The following SEZ6L2 variants were observed in gnomAD, a reference collection of about 807,000 sequenced individuals.
SEZ6L2 encodes the protein seizure 6-like protein 2.
In SEZ6L2, 44 loss-of-function variants were observed where a neutral mutation model predicts 97.0. The observed-to-expected ratio is 0.45, with a 90% CI of 0.36 to 0.58. SEZ6L2 has a LOEUF of 0.58. SEZ6L2 is among the 20% of genes least tolerant of loss of function. The pLI, the probability that SEZ6L2 is intolerant of heterozygous loss-of-function variation, is 0.00. For missense variants in SEZ6L2, 1,086 were observed against 1,233.3 expected (o/e 0.88, Z 1.79); for synonymous variants, 543 against 546.1 (o/e 0.99, Z 0.08).
Position 29,885,676 on chromosome 16 carries a change from G to C in SEZ6L2, c.1282C>G (p.Arg428Gly). The change falls in exon 8 of 18, where the codon CGG becomes GGG. Residue 428 changes from arginine (R) to glycine (G), a missense_variant. Physicochemically the swap from Arg to Gly is moderately radical, Grantham distance 125. Transcript: ENST00000617533. ...GACTGGGCGTCACTGATGAGACCCCGCTCGGGGACATCGTCCATGTCCGAA... is the reference window on the plus strand; with the variant it reads ...GACTGGGCGTCACTGATGAGACCCCCCTCGGGGACATCGTCCATGTCCGAA... ...YDSDMDDVPE[R>G]GLISDAQSLY... 6.2e-7 allele frequency: 1 copy of C among 1,613,986 alleles called. No individual in the cohort carries two copies. Among genetic ancestry groups the C allele is most frequent in the South Asian group, 1.1e-5 (1 of 91,056 alleles).
intron 9 of SEZ6L2, among the ~76,000 whole-genome samples, chr16:29,878,961 G>A (rs1442581096): frequency 6.6e-6 from 1 of 151,736 alleles, no homozygotes; most frequent in African/African-American, 2.4e-5. Flanking sequence ...GGAGTGCAGT[G>A]GCGCAATCCC....
At position 29,871,265 on chromosome 16, in the gene SEZ6L2, C is replaced by G. The variant is rs867211441; in HGVS notation, c.*434G>C. 6 of 229,868 alleles carry G rather than the reference C, an allele frequency of 2.6e-5. No individual in the cohort carries two copies. Among genetic ancestry groups the G allele is most frequent in the African/African-American group, 1.1e-4 (5 of 45,772 alleles). 14.2% of individuals were successfully genotyped at this position (229,868 alleles called of 1,614,324 possible). A position where few individuals can be genotyped will look rare whatever the true frequency, so the allele number is the denominator to read the frequency against. The stretch of plus-strand genomic sequence containing the variant: ...GCAGGAAGGGGGCAAGGCCTTGTCC[C>G]AGCTCTCCCCTTTGTCCTTCTTCTG... On this transcript the variant is annotated 3_prime_UTR_variant, in exon 18 of 18. Transcript: ENST00000617533.
intron 8 of SEZ6L2, among the ~76,000 whole-genome samples, chr16:29,882,568 A>T (rs1169327700): frequency 6.8e-6 from 1 of 146,792 alleles, no homozygotes; most frequent in African/African-American, 2.5e-5. Context: ...CAAGAGCGAA[A>T]CTCCATCTCA....
chr16:29,888,657 G>A lies in SEZ6L2; in HGVS notation c.922C>T (p.Pro308Ser). 3 of 1,614,030 alleles carry A rather than the reference G, an allele frequency of 1.9e-6. No individual in the cohort carries two copies. The highest frequency in any genetic ancestry group is 2.2e-5 in the South Asian group (2 of 91,078). Residue 308 changes from proline (P) to serine (S), a missense_variant, in exon 6 of 18, where the codon CCT (proline) becomes TCT (serine). By Grantham distance (74) the Pro-to-Ser change is moderately conservative. Transcript: ENST00000617533. ...HGDVSVTDLH[P>S]GGTATFHCDS... is the part of the protein sequence containing the mutation. Reference sequence around the variant, plus strand: ...CAGTGAAAGGTGGCAGTGCCCCCAGGGTGCAGGTCCGTCACACTCACGTCC... The same window carrying A: ...CAGTGAAAGGTGGCAGTGCCCCCAGAGTGCAGGTCCGTCACACTCACGTCC...
Position 29,897,843 on chromosome 16 carries a change from G to A in SEZ6L2, c.211+10C>T, listed in dbSNP as rs1427998113. 1.9e-6 allele frequency: 3 copies of A among 1,596,056 alleles called. No homozygotes were observed. Among genetic ancestry groups the A allele is most frequent in the Non-Finnish European group, 2.6e-6 (3 of 1,174,562 alleles). Reference sequence around the variant, plus strand: ...CCTCTAGGCCACTCCTGCCACTCTGGGGGCCTCACCTGGCAGGTAGCCCAT... The same window carrying A: ...CCTCTAGGCCACTCCTGCCACTCTGAGGGCCTCACCTGGCAGGTAGCCCAT... On this transcript the variant is annotated intron_variant, in intron 2 of 17. Coordinates refer to ENST00000617533, the MANE Select transcript of SEZ6L2 (RefSeq NM_001243332.2).
intron 8 of SEZ6L2, among the ~76,000 whole-genome samples, chr16:29,880,329 T>A (rs917244912): frequency 1.0e-4 from 12 of 118,688 alleles, no homozygotes; most frequent in African/African-American, 5.9e-4. Context: ...TGCCCAGCTA[T>A]TTTTTTTTTT....
intron 3 of SEZ6L2, 150 bp downstream of exon 3, chr16:29,896,672 A>G (rs1336792523): frequency 1.5e-6 from 1 of 674,490 alleles, no homozygotes; most frequent in Non-Finnish European, 2.6e-6. Context: ...CCTGGTACAT[A>G]GTAAGGGTAC....
At position 29,899,100 on chromosome 16, in the gene SEZ6L2, C is replaced by T. The variant is rs968547964; in HGVS notation, c.-81G>A. 3.4e-6 allele frequency: 3 copies of T among 895,210 alleles called. No individual in the cohort carries two copies. The highest frequency in any genetic ancestry group is 5.1e-6 in the Non-Finnish European group (3 of 590,954). 55.5% of individuals were successfully genotyped at this position (895,210 alleles called of 1,614,324 possible). Reference sequence around the variant, plus strand: ...CTTTCCTCCGTCTCCGTTTATCTTTCCCTTTAATTGTTTTTTTTTTTTTTT... The same window carrying T: ...CTTTCCTCCGTCTCCGTTTATCTTTTCCTTTAATTGTTTTTTTTTTTTTTT... On this transcript the variant is annotated 5_prime_UTR_variant, in exon 1 of 18. Coordinates refer to ENST00000617533, the MANE Select transcript of SEZ6L2 (RefSeq NM_001243332.2).
chr16:29,898,819 C>G, intron 1 of SEZ6L2, 122 bp downstream of exon 1: 1 of 739,028 alleles, frequency 1.4e-6, no homozygotes, highest in Non-Finnish European at 2.2e-6. Flanking sequence ...GCCCCTTCCC[C>G]ATCAGCTGTG....
In SEZ6L2 at chr16:29,873,817, T is replaced by C. The variant is rs767175620; in HGVS notation, c.2105-88A>G. Reference sequence around the variant, plus strand: ...AGAGAGACCCCATCTCTACAAAAAATTGAAAAATTAGCCAGGAGTGGTGGC... The same window carrying C: ...AGAGAGACCCCATCTCTACAAAAAACTGAAAAATTAGCCAGGAGTGGTGGC... On this transcript the variant is annotated intron_variant, in intron 12 of 17. Coordinates refer to ENST00000617533, the MANE Select transcript of SEZ6L2 (RefSeq NM_001243332.2). This position sits in a 1 kb window ranked among gnomAD's most constrained non-coding sequence, Gnocchi z 4.3. The C allele has an allele frequency of 9.4e-5, 121 of 1,283,962 alleles. No homozygotes were observed. Among genetic ancestry groups the C allele is most frequent in the Non-Finnish European group, 1.3e-4 (120 of 951,638 alleles). 79.5% of individuals were successfully genotyped at this position (1,283,962 alleles called of 1,614,324 possible). A position where few individuals can be genotyped will look rare whatever the true frequency, so the allele number is the denominator to read the frequency against.
At chr16:29,890,594 T>C (rs1441855184) in intron 5 of SEZ6L2, among the ~76,000 whole-genome samples, 1 of 152,094 alleles carries the variant, frequency 6.6e-6, no homozygotes, top group Non-Finnish European at 1.5e-5. Flanking sequence ...CTCCCCCTAC[T>C]TTCTCATCTT....
intron 3 of SEZ6L2, 43 bp downstream of exon 3, chr16:29,896,779 C>A (rs753217257): frequency 6.3e-7 from 1 of 1,578,648 alleles, no homozygotes; most frequent in South Asian, 1.1e-5. Flanking sequence ...CCAGCGTGTA[C>A]CTCTCCGGTC....
In SEZ6L2 at chr16:29,896,864, T is replaced by C. The variant is rs758069101; in HGVS notation, c.469A>G (p.Ile157Val). The C allele has an allele frequency of 5.0e-6, 8 of 1,612,900 alleles. No homozygotes were observed. The highest frequency in any genetic ancestry group is 4.0e-5 in the African/African-American group (3 of 74,594). ...GTGGTAACAGTTGTCGTGGTGATGA[T>C]GGTGGTCGTCGTCTCCTCCTCTCCT... ...EGGEEETTTT[I>V]ITTTTVTTTV... Residue 157 changes from isoleucine (I) to valine (V), a missense_variant, in exon 3 of 18, where the codon ATC becomes GTC. Ile to Val is a conservative substitution (Grantham distance 29). Coordinates refer to ENST00000617533, the MANE Select transcript of SEZ6L2 (RefSeq NM_001243332.2).
chr16:29,879,852 A>G lies in SEZ6L2; in HGVS notation c.1573+12T>C. On this transcript the variant is annotated intron_variant, in intron 9 of 17. Transcript: ENST00000617533. ...TGGACTGAAGGACATGCCTGCGACA[A>G]GGAAGGCTCACCTTTGCAGGCCGGC... is the stretch of plus-strand genomic sequence containing the variant. 1 of 1,580,086 alleles carries G rather than the reference A, an allele frequency of 6.3e-7. No homozygotes were observed. The highest frequency in any genetic ancestry group is 8.6e-7 in the Non-Finnish European group (1 of 1,159,168).
Position 29,872,581 on chromosome 16 carries a change from C to G in SEZ6L2, c.2528-55G>C, listed in dbSNP as rs546281547. On this transcript the variant is annotated intron_variant, in intron 15 of 17. Transcript: ENST00000617533. ...TGGCTGGGCCCGGTCCTGGGCTCTCCCAGCCTCCTGCCCTGGGCCTCAAAC... is the reference window on the plus strand; with the variant it reads ...TGGCTGGGCCCGGTCCTGGGCTCTCGCAGCCTCCTGCCCTGGGCCTCAAAC... 13 of 1,602,998 alleles carry G rather than the reference C, an allele frequency of 8.1e-6. No homozygotes were observed. In the South Asian group the frequency reaches 9.9e-5, roughly 12 times the overall value.
intron 8 of SEZ6L2, among the ~76,000 whole-genome samples, chr16:29,880,766 T>C (rs1168388918): frequency 6.6e-6 from 1 of 151,430 alleles, no homozygotes; most frequent in Non-Finnish European, 1.5e-5. Flanking sequence ...CTGGGTTTTT[T>C]TTTAATTTTT....
At chr16:29,885,035 G>A (rs1490311460) in intron 8 of SEZ6L2, among the ~76,000 whole-genome samples, 1 of 149,798 alleles carries the variant, frequency 6.7e-6, no homozygotes, top group African/African-American at 2.5e-5. Flanking sequence ...GTGAAACCCC[G>A]TCTCTACTAA....
intron 8 of SEZ6L2, among the ~76,000 whole-genome samples, chr16:29,883,384 G>A (rs2068067928): frequency 6.6e-6 from 1 of 151,954 alleles, no homozygotes; most frequent in Non-Finnish European, 1.5e-5. Context: ...ATAGCTCACT[G>A]CAACCTCTGG....
intron 8 of SEZ6L2, among the ~76,000 whole-genome samples, chr16:29,881,291 A>C (rs2068024979): frequency 6.6e-6 from 1 of 152,164 alleles, no homozygotes; most frequent in African/African-American, 2.4e-5. Context: ...CAATGGCAAA[A>C]GCAGGTCTCA....
Sources: allele counts gnomAD v4.1 joint callset (sites outside exome capture counted in the v4.1 genomes callset), GRCh38; gene constraint gnomAD v4.1.1; non-coding constraint Gnocchi (gnomAD v3.1); transcripts MANE v1.5; gene names NCBI Gene and HGNC (gene_info 2026-07-23, HGNC 2026-07-21).